The following FHIT variants were observed in gnomAD, a reference collection of about 807,000 sequenced individuals.
FHIT encodes the protein bis(5'-adenosyl)-triphosphatase.
A neutral mutation model predicts 17.9 loss-of-function variants in FHIT; 19 were observed. The ratio of observed to expected loss-of-function variants is 1.06; its 90% CI spans 0.74 to 1.56. FHIT has a LOEUF of 1.56. FHIT is among the 40% of genes most tolerant of loss of function. FHIT has a pLI of 0.00. For synonymous variants in FHIT, 81 were observed against 69.7 expected (o/e 1.16, Z -0.81); for missense variants, 248 against 189.2 (o/e 1.31, Z -1.82).
chr3:59,970,234 A>C (rs1366149156), intron 7 of FHIT, among the ~76,000 whole-genome samples: 1 of 152,156 alleles, frequency 6.6e-6, no homozygotes, highest in African/African-American at 2.4e-5. Flanking sequence ...AAAAGAATTT[A>C]GGTCTTTAAG....
At chr3:60,309,039 G>T (rs186547893) in intron 5 of FHIT, among the ~76,000 whole-genome samples, 1 of 152,098 alleles carries the variant, frequency 6.6e-6, no homozygotes, top group South Asian at 2.1e-4. Context: ...CCTTAGTGCC[G>T]TCACCTCTGG....
At chr3:60,617,754 T>C (rs1205069472) in intron 4 of FHIT, 2 of 153,986 alleles carry the variant, frequency 1.3e-5, no homozygotes, top group Non-Finnish European at 2.9e-5. Flanking sequence ...GGAAAAAAAG[T>C]TATCCAGATG....
At chr3:60,228,576 C>G (rs988911595) in intron 5 of FHIT, among the ~76,000 whole-genome samples, 3 of 152,178 alleles carry the variant, frequency 2.0e-5, no homozygotes, top group African/African-American at 7.2e-5. Flanking sequence ...CCTACCGCTT[C>G]TCAGCTTTTC....
chr3:60,185,027 G>C (rs1219782029), intron 5 of FHIT, among the ~76,000 whole-genome samples: 1 of 151,998 alleles, frequency 6.6e-6, no homozygotes, highest in South Asian at 2.1e-4. Context: ...CGTGCTCCAG[G>C]CTCATCATGT....
intron 5 of FHIT, among the ~76,000 whole-genome samples, chr3:60,068,680 A>T (rs2630175): frequency 6.6e-6 from 1 of 151,818 alleles, no homozygotes; most frequent in African/African-American, 2.4e-5. Context: ...GATTTCATAC[A>T]CATCTAAATT....
At chr3:59,918,375 A>G (rs1480123848) in intron 8 of FHIT, among the ~76,000 whole-genome samples, 1 of 152,202 alleles carries the variant, frequency 6.6e-6, no homozygotes, top group Non-Finnish European at 1.5e-5. Context: ...GGTGTTAAGA[A>G]GGAAATAGGT....
intron 5 of FHIT, among the ~76,000 whole-genome samples, chr3:60,033,491 T>C (rs992478557): frequency 2.9e-5 from 4 of 138,240 alleles, no homozygotes; most frequent in African/African-American, 8.2e-5. Flanking sequence ...CGAAACTCCA[T>C]CCCAAAAAAA....
At chr3:60,317,827 G>C (rs1026010389) in intron 5 of FHIT, among the ~76,000 whole-genome samples, 5 of 148,014 alleles carry the variant, frequency 3.4e-5, no homozygotes, top group African/African-American at 1.3e-4. Context: ...GTCTCACTCT[G>C]TTGCTGAGGC....
chr3:61,016,603 G>T (rs1399556588), intron 3 of FHIT, among the ~76,000 whole-genome samples: 2 of 152,214 alleles, frequency 1.3e-5, no homozygotes, highest in Non-Finnish European at 2.9e-5. Flanking sequence ...CAGCCTTTGT[G>T]TTTGTTCAAC....
chr3:60,371,993 T>C (rs1700350790), intron 5 of FHIT, among the ~76,000 whole-genome samples: 1 of 152,298 alleles, frequency 6.6e-6, no homozygotes, highest in South Asian at 2.1e-4. Flanking sequence ...TGACACTTCC[T>C]ATTCTTTCAT....
At chr3:61,224,611 T>C (rs994396817) in intron 1 of FHIT, among the ~76,000 whole-genome samples, 1 of 152,174 alleles carries the variant, frequency 6.6e-6, no homozygotes, top group African/African-American at 2.4e-5. Context: ...GGTTTCACCA[T>C]GTTGGCCAGG....
At chr3:59,782,628 G>A (rs918622592) in intron 8 of FHIT, among the ~76,000 whole-genome samples, 1 of 152,112 alleles carries the variant, frequency 6.6e-6, no homozygotes, top group Admixed American at 6.6e-5. Context: ...TGATGCATCC[G>A]ATTCAGTTTC....
chr3:60,545,143 C>A (rs961013431), intron 4 of FHIT, among the ~76,000 whole-genome samples: 2 of 151,076 alleles, frequency 1.3e-5, no homozygotes, highest in African/African-American at 4.9e-5. Flanking sequence ...ATATCCTTTT[C>A]ACATAATACT....
chr3:59,847,132 G>T (rs553530145), intron 8 of FHIT, among the ~76,000 whole-genome samples: 1 of 152,042 alleles, frequency 6.6e-6, no homozygotes, highest in Non-Finnish European at 1.5e-5. Context: ...ACAAATTTGG[G>T]AAGTTTTTAT....
intron 5 of FHIT, among the ~76,000 whole-genome samples, chr3:60,458,041 C>T (rs549096561): frequency 1.3e-3 from 204 of 152,114 alleles, no homozygotes; most frequent in African/African-American, 4.3e-3. Context: ...CTCAGGGATC[C>T]AGAACTAGAA....
At chr3:59,961,458 C>T (rs73842104) in intron 7 of FHIT, among the ~76,000 whole-genome samples, 4,719 of 152,218 alleles carry the variant, frequency 0.031, 213 homozygotes, top group African/African-American at 0.093. Context: ...CACTGATGTA[C>T]GGGTAAAAAA....
Position 60,444,736 on chromosome 3 carries a change from C to CTA in FHIT, c.103+92122_103+92123dup, listed in dbSNP as rs1338902145. ...GGAGAGATAGCATTAGGAGATATACCTAATGCTGAATGACGAGTTAATGGG... is the reference window on the plus strand; with the variant it reads ...GGAGAGATAGCATTAGGAGATATACCTATAATGCTGAATGACGAGTTAATGGG... On this transcript the variant is annotated intron_variant, in intron 5 of 9. Coordinates refer to ENST00000492590, the MANE Select transcript of FHIT (RefSeq NM_002012.4). Among the ~76,000 whole-genome samples the CTA allele has an allele frequency of 3.9e-5, 6 of 151,920 alleles. No individual in the cohort carries two copies. The East Asian group carries it at 9.7e-4, about 25-fold the overall frequency.
chr3:61,025,973 T>C (rs1451838302), intron 3 of FHIT, among the ~76,000 whole-genome samples: 2 of 152,216 alleles, frequency 1.3e-5, no homozygotes, highest in African/African-American at 4.8e-5. Context: ...ATTATTTTCA[T>C]TTTATATGTT....
intron 3 of FHIT, among the ~76,000 whole-genome samples, chr3:60,943,771 G>T (rs1480083529): frequency 6.6e-6 from 1 of 151,994 alleles, no homozygotes; most frequent in Non-Finnish European, 1.5e-5. Flanking sequence ...AAATAATTTA[G>T]ACACATTGGC....
Sources: allele counts gnomAD v4.1 joint callset (sites outside exome capture counted in the v4.1 genomes callset), GRCh38; gene constraint gnomAD v4.1.1; transcripts MANE v1.5; gene names NCBI Gene and HGNC (gene_info 2026-07-23, HGNC 2026-07-21).